The following PCDH15 variants were observed in gnomAD, a reference collection of about 807,000 sequenced individuals.
The protein encoded by PCDH15 is protocadherin related 15.
A neutral mutation model predicts 178.5 loss-of-function variants in PCDH15; 129 were observed. The ratio of observed to expected loss-of-function variants is 0.72; its 90% CI spans 0.63 to 0.84. The LOEUF (loss-of-function observed/expected upper bound fraction) is 0.84, where lower values mean the gene tolerates loss of function less well. PCDH15 is among the 40% of genes least tolerant of loss of function. PCDH15 has a pLI of 0.00. For missense variants in PCDH15, 2,230 were observed against 2,099.9 expected (o/e 1.06, Z -1.21); for synonymous variants, 800 against 732.0 (o/e 1.09, Z -1.50).
At chr10:55,037,504 T>A (rs1359674900) in intron 2 of PCDH15, among the ~76,000 whole-genome samples, 3 of 152,168 alleles carry the variant, frequency 2.0e-5, no homozygotes, top group Non-Finnish European at 4.4e-5. Context: ...AGTGTTGAGA[T>A]TACAGGCGTG....
chr10:53,945,464 ATTGTTGTCAACTATG>A (rs1321399321), intron 23 of PCDH15, among the ~76,000 whole-genome samples: 1 of 17,356 alleles, frequency 5.8e-5, no homozygotes, highest in Non-Finnish European at 1.3e-4. Flanking sequence ...AATATTGTAC[ATTGTTGTCAACTATG>A]GTCACCATGT....
chr10:55,307,173 T>C (rs554452161), intron 1 of PCDH15, among the ~76,000 whole-genome samples: 1 of 152,180 alleles, frequency 6.6e-6, no homozygotes, highest in South Asian at 2.1e-4. Context: ...ATATAAGGTA[T>C]ATTTTACATT....
intron 1 of PCDH15, among the ~76,000 whole-genome samples, chr10:55,217,839 G>C (rs908720161): frequency 6.6e-6 from 1 of 151,778 alleles, no homozygotes; most frequent in African/African-American, 2.4e-5. Context: ...TGAACTGCTG[G>C]AAAAAAAGAA....
intron 26 of PCDH15, among the ~76,000 whole-genome samples, chr10:53,889,498 C>T (rs368995846): frequency 2.8e-4 from 42 of 151,488 alleles, no homozygotes; most frequent in Non-Finnish European, 4.6e-4. Context: ...GAATGGTAAA[C>T]GAAGCACAAG....
intron 1 of PCDH15, among the ~76,000 whole-genome samples, chr10:55,271,011 T>C (rs1319602970): frequency 6.6e-6 from 1 of 152,058 alleles, no homozygotes; most frequent in African/African-American, 2.4e-5. Flanking sequence ...CTGGAGGCCA[T>C]AATCCTAAGC....
chr10:54,341,231 C>A (rs1344955588), intron 6 of PCDH15, among the ~76,000 whole-genome samples: 1 of 152,106 alleles, frequency 6.6e-6, no homozygotes, highest in East Asian at 1.9e-4. Flanking sequence ...ATTACAATGT[C>A]AAATTGTAAT....
chr10:54,592,894 CAT>C (rs2091971801), intron 2 of PCDH15, among the ~76,000 whole-genome samples: 1 of 152,048 alleles, frequency 6.6e-6, no homozygotes, highest in South Asian at 2.1e-4. Flanking sequence ...TGTGGTGATA[CAT>C]TTTTGTGGTT....
At chr10:54,965,425 T>G (rs1838759104) in intron 2 of PCDH15, among the ~76,000 whole-genome samples, 1 of 152,080 alleles carries the variant, frequency 6.6e-6, no homozygotes. Flanking sequence ...TTCTTCTGCC[T>G]GCTTCCATGT....
chr10:54,045,980 TAAAA>T (rs1348773876), intron 18 of PCDH15, among the ~76,000 whole-genome samples: 1 of 151,650 alleles, frequency 6.6e-6, no homozygotes, highest in Non-Finnish European at 1.5e-5. Context: ...CTCCCACAGA[TAAAA>T]AAGAACATTC....
intron 22 of PCDH15, among the ~76,000 whole-genome samples, chr10:53,960,492 T>A (rs978134660): frequency 6.6e-6 from 1 of 152,236 alleles, no homozygotes; most frequent in African/African-American, 2.4e-5. Flanking sequence ...TGAGATGTGA[T>A]GTCTGACATT....
At chr10:54,376,824 A>T (rs1401735709) in intron 4 of PCDH15, among the ~76,000 whole-genome samples, 2 of 152,030 alleles carry the variant, frequency 1.3e-5, no homozygotes, top group Non-Finnish European at 2.9e-5. Flanking sequence ...CTAGTCCAGT[A>T]ATATAATGAT....
intron 2 of PCDH15, among the ~76,000 whole-genome samples, chr10:55,624,965 A>G: frequency 6.6e-6 from 1 of 152,152 alleles, no homozygotes; most frequent in Admixed American, 6.6e-5. Context: ...AATTTCGTGA[A>G]AGTGACCTGA....
chr10:55,514,112 T>C (rs1840952641), intron 2 of PCDH15, among the ~76,000 whole-genome samples: 1 of 152,066 alleles, frequency 6.6e-6, no homozygotes, highest in Non-Finnish European at 1.5e-5. Context: ...TTTCTAAGGA[T>C]TTAGAATGTG....
intron 2 of PCDH15, among the ~76,000 whole-genome samples, chr10:54,638,822 T>C (rs758604401): frequency 1.6e-4 from 25 of 151,986 alleles, no homozygotes; most frequent in Non-Finnish European, 2.5e-4. Flanking sequence ...AAAGAAAACA[T>C]GGTATATAGA....
At chr10:54,911,085 G>T (rs1011553929) in intron 2 of PCDH15, among the ~76,000 whole-genome samples, 1 of 152,194 alleles carries the variant, frequency 6.6e-6, no homozygotes, top group Admixed American at 6.5e-5. Flanking sequence ...TGAAATATCC[G>T]CCCTAGTACC....
intron 29 of PCDH15, 47 bp from the exon 30 acceptor site, chr10:53,831,580 G>A: frequency 7.4e-7 from 1 of 1,345,944 alleles, no homozygotes; most frequent in African/African-American, 1.5e-5. Flanking sequence ...AGCAGAGAAA[G>A]AGCATTTTAA....
In PCDH15 at chr10:55,258,255, A is replaced by G. The variant is rs190966171; in HGVS notation, c.-156+61344T>C. On this transcript the variant is annotated intron_variant, in intron 1 of 5. Transcript: ENST00000458638. Reference sequence around the variant, plus strand: ...GGTTTAAGACAAATGGAGATTACTGATAAAATATTAATTAGTTTTTGAATG... The same window carrying G: ...GGTTTAAGACAAATGGAGATTACTGGTAAAATATTAATTAGTTTTTGAATG... Among the ~76,000 whole-genome samples, 447 of 152,318 alleles carry G rather than the reference A, an allele frequency of 2.9e-3. 3 individuals carry two copies. The highest frequency in any genetic ancestry group is 8.9e-3 in the African/African-American group (372 of 41,574).
At chr10:55,620,394 T>C (rs1041747720) in intron 2 of PCDH15, among the ~76,000 whole-genome samples, 1 of 152,060 alleles carries the variant, frequency 6.6e-6, no homozygotes, top group African/African-American at 2.4e-5. Flanking sequence ...ATAGATTATA[T>C]TCCCTCACAT....
At chr10:54,613,748 GAAC>G (rs1555098624) in intron 2 of PCDH15, among the ~76,000 whole-genome samples, 1 of 151,528 alleles carries the variant, frequency 6.6e-6, no homozygotes, top group African/African-American at 2.4e-5. Context: ...TCATGCACCA[GAAC>G]AACAACAACA....
Sources: gnomAD v4.1 joint callset for allele counts (sites outside exome capture counted in the v4.1 genomes callset) on GRCh38, gnomAD v4.1.1 for gene constraint, MANE v1.5 for transcripts, NCBI Gene and HGNC (gene_info 2026-07-23, HGNC 2026-07-21) for gene names.